Variants in MAPRE2 observed in about 807,000 individuals in gnomAD.
MAPRE2 encodes the protein microtubule associated protein RP/EB family member 2.
A neutral mutation model predicts 43.2 loss-of-function variants in MAPRE2; 13 were observed. The observed-to-expected ratio is 0.30, with a 90% CI of 0.20 to 0.48. MAPRE2 has a LOEUF of 0.48. Ranked by LOEUF, MAPRE2 falls within the 20% of genes least tolerant of loss-of-function variation. MAPRE2 has a pLI of 0.99. For synonymous variants in MAPRE2, 135 were observed against 148.8 expected (o/e 0.91, Z 0.68); for missense variants, 161 against 400.2 (o/e 0.40, Z 5.10).
chr18:34,997,931 C>T (rs2097027318), intron 1 of MAPRE2, among the ~76,000 whole-genome samples: 1 of 152,044 alleles, frequency 6.6e-6, no homozygotes, highest in Non-Finnish European at 1.5e-5. Context: ...AAAGGAAAAG[C>T]CTTTAAGAAA....
intron 1 of MAPRE2, among the ~76,000 whole-genome samples, chr18:35,054,867 G>GCACA (rs1906135542): frequency 6.6e-6 from 1 of 152,128 alleles, no homozygotes; most frequent in South Asian, 2.1e-4. Context: ...AGATGATTTG[G>GCACA]TCATAGTTCG....
At chr18:35,042,969 C>T (rs1053309920) in intron 1 of MAPRE2, among the ~76,000 whole-genome samples, 1 of 152,030 alleles carries the variant, frequency 6.6e-6, no homozygotes, top group South Asian at 2.1e-4. Flanking sequence ...TCATCTCTGG[C>T]AGTTACATAA....
chr18:35,016,706 C>A (rs564859165), intron 2 of MAPRE2, among the ~76,000 whole-genome samples: 2 of 152,046 alleles, frequency 1.3e-5, no homozygotes, highest in South Asian at 2.1e-4. Flanking sequence ...GGATATTAGA[C>A]CTTTGTTGGA....
At chr18:35,095,560 A>G (rs1908380325) in intron 2 of MAPRE2, among the ~76,000 whole-genome samples, 1 of 144,602 alleles carries the variant, frequency 6.9e-6, no homozygotes, top group Non-Finnish European at 1.5e-5. Context: ...TTTCTTTTTA[A>G]ATCTGAAACA....
intron 2 of MAPRE2, among the ~76,000 whole-genome samples, chr18:35,036,149 C>T (rs576219300): frequency 1.3e-5 from 2 of 151,936 alleles, no homozygotes; most frequent in African/African-American, 4.8e-5. Context: ...GCCACTCAAG[C>T]CATACACTTG....
chr18:35,079,428 A>G (rs941285746), intron 2 of MAPRE2, among the ~76,000 whole-genome samples: 5 of 152,232 alleles, frequency 3.3e-5, no homozygotes, highest in African/African-American at 4.8e-5. Context: ...CTTCTTTAAT[A>G]TGAAAAGTTG....
At chr18:35,029,761 A>G (rs2097046918) in intron 2 of MAPRE2, among the ~76,000 whole-genome samples, 1 of 152,216 alleles carries the variant, frequency 6.6e-6, no homozygotes, top group Non-Finnish European at 1.5e-5. Flanking sequence ...CTATGCAGTC[A>G]CTTCAACAAG....
intron 6 of MAPRE2, among the ~76,000 whole-genome samples, chr18:35,135,543 C>T (rs1370509240): frequency 6.6e-6 from 1 of 152,108 alleles, no homozygotes; most frequent in Non-Finnish European, 1.5e-5. Flanking sequence ...AGTGAGCCTT[C>T]CTAAAGCTGT....
intron 1 of MAPRE2, among the ~76,000 whole-genome samples, chr18:35,003,430 G>A (rs1487380903): frequency 6.6e-6 from 1 of 152,188 alleles, no homozygotes; most frequent in African/African-American, 2.4e-5. Flanking sequence ...CTGAGCCTCT[G>A]TTTCTTCATT....
intron 1 of MAPRE2, among the ~76,000 whole-genome samples, chr18:34,977,516 G>A (rs531876713): frequency 6.6e-6 from 1 of 152,206 alleles, no homozygotes; most frequent in African/African-American, 2.4e-5. Context: ...TGGGGCGCCG[G>A]CACTGAGAGA....
intron 2 of MAPRE2, among the ~76,000 whole-genome samples, chr18:35,096,804 AT>A (rs1335847711): frequency 9.6e-6 from 1 of 104,268 alleles, no homozygotes; most frequent in Non-Finnish European, 1.8e-5. Context: ...GTAATACTTA[AT>A]ACTTAATAAG....
intron 1 of MAPRE2, among the ~76,000 whole-genome samples, chr18:35,066,648 A>G (rs749558561): frequency 1.3e-5 from 2 of 152,250 alleles, no homozygotes; most frequent in Non-Finnish European, 2.9e-5. Flanking sequence ...GAATTGGGAA[A>G]ACAAAAGGGT....
chr18:35,098,888 G>T (rs1219553595), intron 3 of MAPRE2, among the ~76,000 whole-genome samples: 1 of 152,222 alleles, frequency 6.6e-6, no homozygotes, highest in African/African-American at 2.4e-5. Flanking sequence ...TGCAGTGGAA[G>T]GAGACTGGCC....
At chr18:35,040,022 G>A (rs948158043), upstream of MAPRE2, among the ~76,000 whole-genome samples, 2 of 152,128 alleles carry the variant, frequency 1.3e-5, no homozygotes, top group East Asian at 1.9e-4. Flanking sequence ...TGAGCAACTC[G>A]GTGAAACCCT....
At chr18:35,101,830 A>G in intron 3 of MAPRE2, 116 bp from the exon 4 acceptor site, 1 of 731,198 alleles carries the variant, frequency 1.4e-6, no homozygotes, top group South Asian at 1.9e-5. Flanking sequence ...GCTATTATAA[A>G]CAGTGCTGCC....
chr18:35,079,785 G>A (rs897561270), intron 2 of MAPRE2, among the ~76,000 whole-genome samples: 4 of 152,208 alleles, frequency 2.6e-5, no homozygotes, highest in East Asian at 1.9e-4. Flanking sequence ...GGAAAGCTTC[G>A]TAGAGGAGGT....
chr18:35,019,953 A>T (rs1158598192), intron 2 of MAPRE2, among the ~76,000 whole-genome samples: 2 of 152,098 alleles, frequency 1.3e-5, no homozygotes, highest in Non-Finnish European at 2.9e-5. Flanking sequence ...ATTCTAGTTT[A>T]CTTATCTCCC....
intron 1 of MAPRE2, among the ~76,000 whole-genome samples, chr18:35,045,234 G>A (rs1905561457): frequency 1.3e-5 from 2 of 152,172 alleles, no homozygotes; most frequent in South Asian, 2.1e-4. Flanking sequence ...CGAATGAGTC[G>A]TGCTCTGGAT....
intron 4 of MAPRE2, among the ~76,000 whole-genome samples, chr18:35,111,072 C>T (rs1909152493): frequency 6.6e-6 from 1 of 151,986 alleles, no homozygotes; most frequent in South Asian, 2.1e-4. Context: ...TTCATTTATC[C>T]ATATGTTAGA....
Sources: allele counts gnomAD v4.1 joint callset (sites outside exome capture counted in the v4.1 genomes callset), GRCh38; gene constraint gnomAD v4.1.1; transcripts MANE v1.5; gene names NCBI Gene and HGNC (gene_info 2026-07-23, HGNC 2026-07-21).